NUP93: variants seen among roughly 807,000 people sequenced by gnomAD.
NUP93 encodes the protein nucleoporin 93.
Under a neutral mutation model 107.8 loss-of-function variants are expected in NUP93, and 55 were observed. That is an observed-to-expected ratio of 0.51 (90% CI 0.41 to 0.64). The LOEUF is 0.64. Among genes scored for constraint, NUP93 ranks in the 30% least tolerant of loss-of-function variants. The pLI is 0.00. For synonymous variants in NUP93, 390 were observed against 397.5 expected (o/e 0.98, Z 0.22); for missense variants, 937 against 1,044.7 (o/e 0.90, Z 1.42).
At chr16:56,785,109 T>A (rs1163077300) in intron 3 of NUP93, among the ~76,000 whole-genome samples, 1 of 152,174 alleles carries the variant, frequency 6.6e-6, no homozygotes, top group Non-Finnish European at 1.5e-5. Flanking sequence ...TTCCCTTGGT[T>A]TTTATGAGGC....
chr16:56,815,516 T>G (rs1963401702), intron 5 of NUP93, among the ~76,000 whole-genome samples: 2 of 152,158 alleles, frequency 1.3e-5, no homozygotes, highest in African/African-American at 2.4e-5. Context: ...GTGAAATACT[T>G]TAGGTCATAT....
intron 18 of NUP93, among the ~76,000 whole-genome samples, chr16:56,838,584 A>G (rs542868868): frequency 6.6e-6 from 1 of 152,332 alleles, no homozygotes; most frequent in African/African-American, 2.4e-5. Context: ...ATGTTAAGAC[A>G]GGGTCTCCCT....
intron 3 of NUP93, among the ~76,000 whole-genome samples, chr16:56,784,490 C>T (rs1962583654): frequency 6.6e-6 from 1 of 152,196 alleles, no homozygotes. Context: ...TTGTGTAAAA[C>T]TCCTGTTTGT....
chr16:56,759,191 A>G (rs1962081479), intron 3 of NUP93, among the ~76,000 whole-genome samples: 1 of 152,246 alleles, frequency 6.6e-6, no homozygotes. Context: ...TGCCACAAGC[A>G]ATTGATAGCT....
intron 1 of NUP93, among the ~76,000 whole-genome samples, chr16:56,747,564 A>G (rs1240227460): frequency 6.6e-6 from 1 of 152,122 alleles, no homozygotes; most frequent in Non-Finnish European, 1.5e-5. Flanking sequence ...AAAAAAAAAA[A>G]AGAAGAATTT....
At chr16:56,806,428 T>C (rs1295939080) in intron 5 of NUP93, among the ~76,000 whole-genome samples, 3 of 152,114 alleles carry the variant, frequency 2.0e-5, no homozygotes, top group Non-Finnish European at 4.4e-5. Context: ...TATTGCCGTG[T>C]AACAGATTAC....
intron 3 of NUP93, among the ~76,000 whole-genome samples, chr16:56,760,002 C>G (rs1292441996): frequency 6.6e-6 from 1 of 152,032 alleles, no homozygotes; most frequent in Non-Finnish European, 1.5e-5. Context: ...ATTTTTTTAC[C>G]TTAAGGTATT....
chr16:56,832,870 C>A (rs1963824884), intron 12 of NUP93, among the ~76,000 whole-genome samples: 1 of 152,192 alleles, frequency 6.6e-6, no homozygotes, highest in African/African-American at 2.4e-5. Context: ...TCATTTCTCT[C>A]CTTGAGTGAC....
chr16:56,754,271 C>T (rs144655874), intron 2 of NUP93, among the ~76,000 whole-genome samples: 130 of 152,214 alleles, frequency 8.5e-4, no homozygotes, highest in African/African-American at 2.7e-3. Context: ...GATTACAGTT[C>T]GACATGAGAT....
In NUP93 at chr16:56,849,543, C is replaced by G. The variant is rs1275832292; in HGVS notation, c.*4934C>G. The G allele has an allele frequency of 6.6e-6, 1 of 152,224 alleles. No individual in the cohort carries two copies. Among genetic ancestry groups the G allele is most frequent in the Non-Finnish European group, 1.5e-5 (1 of 68,052 alleles). 9.4% of individuals were successfully genotyped at this position (152,224 alleles called of 1,614,324 possible). A position where few individuals can be genotyped will look rare whatever the true frequency, so the allele number is the denominator to read the frequency against. ...AGCATCAGGACATATGCTTTGGTGG[C>G]CTCAGCAGACCTGGCCTAGGCAGGC... On this transcript the variant is annotated 3_prime_UTR_variant, in exon 22 of 22. Transcript: ENST00000308159.
intron 3 of NUP93, among the ~76,000 whole-genome samples, chr16:56,794,709 A>G (rs947013138): frequency 1.2e-4 from 18 of 151,956 alleles, no homozygotes; most frequent in Non-Finnish European, 2.2e-4. Flanking sequence ...CGGGTGGATC[A>G]CGAGGTCAGG....
intron 12 of NUP93, 80 bp downstream of exon 12, chr16:56,832,468 T>C: frequency 9.1e-7 from 1 of 1,097,518 alleles, no homozygotes; most frequent in South Asian, 1.3e-5. Flanking sequence ...GGGAAAATTT[T>C]TCATCTCTGA....
chr16:56,755,317 C>T (rs1961998588), intron 2 of NUP93, among the ~76,000 whole-genome samples: 1 of 151,606 alleles, frequency 6.6e-6, no homozygotes, highest in Non-Finnish European at 1.5e-5. Context: ...CATGTTTCAA[C>T]ATGAATGAAC....
chr16:56,779,735 C>A (rs1170725522), intron 3 of NUP93, among the ~76,000 whole-genome samples: 1 of 152,104 alleles, frequency 6.6e-6, no homozygotes, highest in Non-Finnish European at 1.5e-5. Context: ...AGAATTTATT[C>A]TAGCATAAAG....
At chr16:56,826,115 C>T (rs983542054) in intron 8 of NUP93, among the ~76,000 whole-genome samples, 1 of 152,188 alleles carries the variant, frequency 6.6e-6, no homozygotes, top group Non-Finnish European at 1.5e-5. Context: ...AGGCCCTTGT[C>T]AGCACATGAA....
At chr16:56,802,691 A>C (rs1963047172) in intron 4 of NUP93, among the ~76,000 whole-genome samples, 1 of 152,230 alleles carries the variant, frequency 6.6e-6, no homozygotes, top group African/African-American at 2.4e-5. Context: ...TGATTTTTCT[A>C]ACAGTTCCCC....
chr16:56,821,615 A>G (rs1381808857), intron 7 of NUP93, 22 bp downstream of exon 7: 3 of 1,553,116 alleles, frequency 1.9e-6, no homozygotes, highest in East Asian at 2.2e-5. Flanking sequence ...AGCTAACTCA[A>G]GTAGAAACCG....
intron 9 of NUP93, 73 bp from the exon 10 acceptor site, chr16:56,830,455 C>T (rs1963757411): frequency 1.4e-6 from 2 of 1,404,470 alleles, no homozygotes; most frequent in African/African-American, 2.8e-5. Context: ...AGGGGCTTAG[C>T]TCGGTTTTAG....
chr16:56,776,675 C>T (rs1292701576), intron 3 of NUP93, among the ~76,000 whole-genome samples: 2 of 152,220 alleles, frequency 1.3e-5, no homozygotes, highest in East Asian at 1.9e-4. Context: ...CCACCACCAT[C>T]CCCCATGTAA....
Sources: gnomAD v4.1 joint callset for allele counts (sites outside exome capture counted in the v4.1 genomes callset) on GRCh38, gnomAD v4.1.1 for gene constraint, MANE v1.5 for transcripts, NCBI Gene and HGNC (gene_info 2026-07-23, HGNC 2026-07-21) for gene names.